C16orf74: variants seen among roughly 807,000 people sequenced by gnomAD.
The protein encoded by C16orf74 is uncharacterized protein C16orf74.
A neutral mutation model predicts 6.5 loss-of-function variants in C16orf74; 10 were observed. That is an observed-to-expected ratio of 1.54 (90% CI 0.95 to 2.61). The LOEUF is 2.61. C16orf74 is among the 30% of genes most tolerant of loss of function. The pLI is 0.00. For synonymous variants in C16orf74, 60 were observed against 42.5 expected (o/e 1.41, Z -1.60); for missense variants, 141 against 105.9 (o/e 1.33, Z -1.45).
chr16:85,734,056 C>T (rs2054218800), intron 2 of C16orf74, among the ~76,000 whole-genome samples: 1 of 152,208 alleles, frequency 6.6e-6, no homozygotes, highest in African/African-American at 2.4e-5. Flanking sequence ...CGCCTCCTTA[C>T]TTCACTTTTC....
At chr16:85,745,139 T>TAAAAAAAAAAAAAAAAAAAAA (rs10554549) in intron 1 of C16orf74, among the ~76,000 whole-genome samples, 1 of 51,010 alleles carries the variant, frequency 2.0e-5, no homozygotes, top group African/African-American at 9.0e-5. Context: ...AAACTCTGTC[T>TAAAAAAAAAAAAAAAAAAAAA]AAAAAAAAAA....
intron 1 of C16orf74, among the ~76,000 whole-genome samples, chr16:85,743,935 T>C (rs2054339997): frequency 6.6e-6 from 1 of 151,956 alleles, no homozygotes; most frequent in Admixed American, 6.6e-5. Context: ...GCGCCTGTAG[T>C]CCCAGCTACT....
intron 1 of C16orf74, among the ~76,000 whole-genome samples, chr16:85,742,199 C>T (rs1166157605): frequency 1.3e-5 from 2 of 152,128 alleles, no homozygotes; most frequent in Non-Finnish European, 2.9e-5. Context: ...ATGGCAAAAC[C>T]CCGTCTCTAC....
chr16:85,744,368 T>A (rs991078073), intron 1 of C16orf74: 1 of 151,954 alleles, frequency 6.6e-6, no homozygotes, highest in African/African-American at 2.4e-5. Context: ...GAACTGCTAG[T>A]TTAGGTATAA....
intron 2 of C16orf74, among the ~76,000 whole-genome samples, chr16:85,725,174 G>C (rs761186042): frequency 1.3e-5 from 2 of 152,198 alleles, no homozygotes; most frequent in African/African-American, 2.4e-5. Context: ...GTTTAAAACA[G>C]GCTTTGATGA....
At chr16:85,734,196 G>A (rs900980609) in intron 2 of C16orf74, among the ~76,000 whole-genome samples, 6 of 152,214 alleles carry the variant, frequency 3.9e-5, no homozygotes, top group African/African-American at 1.4e-4. Context: ...ATTTGACGAA[G>A]GAAATAGTAC....
At chr16:85,739,714 C>T (rs58088197) in intron 1 of C16orf74, among the ~76,000 whole-genome samples, 28,945 of 152,054 alleles carry the variant, frequency 0.19, 3,136 homozygotes, top group Middle Eastern at 0.31. Context: ...GTAGGAGGAT[C>T]GCTTGAGCCT....
chr16:85,707,799 T>G lies in C16orf74; in HGVS notation c.*209A>C. On this transcript the variant is annotated 3_prime_UTR_variant, in exon 4 of 4. Transcript: ENST00000284245. ...GAACCTGGAGGTGTCAGAGGTCCGG[T>G]CCACTCAGCGGGGCCTGGGAAACAC... The G allele has an allele frequency of 1.7e-6, 1 of 577,552 alleles. No homozygotes were observed. The allele number at this position is 577,552 out of a possible 1,614,324, so 35.8% of individuals were successfully genotyped here. A position where few individuals can be genotyped will look rare whatever the true frequency, so the allele number is the denominator to read the frequency against.
intron 1 of C16orf74, among the ~76,000 whole-genome samples, chr16:85,748,932 T>A (rs112835819): frequency 0.22 from 8,564 of 39,280 alleles, 440 homozygotes; most frequent in South Asian, 0.47. Context: ...TTGATTTTTT[T>A]TTTTTTTTTT....
chr16:85,748,461 G>T (rs2054398653), intron 1 of C16orf74, among the ~76,000 whole-genome samples: 1 of 151,918 alleles, frequency 6.6e-6, no homozygotes. Flanking sequence ...AGCCGGGCAT[G>T]GTGGCACGCA....
At chr16:85,708,494 C>A (rs1470369136) in intron 3 of C16orf74, among the ~76,000 whole-genome samples, 1 of 152,152 alleles carries the variant, frequency 6.6e-6, no homozygotes, top group South Asian at 2.1e-4. Context: ...GTGCAGGAGG[C>A]GCACTGCAGC....
At chr16:85,742,604 C>T (rs1374868923) in intron 1 of C16orf74, among the ~76,000 whole-genome samples, 4 of 152,080 alleles carry the variant, frequency 2.6e-5, no homozygotes, top group Admixed American at 2.6e-4. Flanking sequence ...TGCAATGGTG[C>T]GATCTCGGCT....
At position 85,707,654 on chromosome 16, in the gene C16orf74, G is replaced by A. The variant is rs1335536726; in HGVS notation, c.*354C>T. ...AAGTTCTTGTTGGTGCTTATGGCAG[G>A]GGCATGTGTTTGCACAGCCCTGGGG... On this transcript the variant is annotated 3_prime_UTR_variant, in exon 4 of 4. Transcript: ENST00000284245. 2 of 257,450 alleles carry A rather than the reference G, an allele frequency of 7.8e-6. No homozygotes were observed. Among genetic ancestry groups the A allele is most frequent in the African/African-American group, 2.2e-5 (1 of 44,948 alleles). 15.9% of individuals were successfully genotyped at this position (257,450 alleles called of 1,614,324 possible).
intron 1 of C16orf74, among the ~76,000 whole-genome samples, chr16:85,739,203 G>C (rs1360448210): frequency 1.3e-5 from 2 of 152,258 alleles, no homozygotes; most frequent in East Asian, 1.9e-4. Flanking sequence ...CAGAGCCCCA[G>C]GGCCTCTGCT....
chr16:85,745,128 G>GA (rs1388515456), intron 1 of C16orf74, among the ~76,000 whole-genome samples: 2 of 92,372 alleles, frequency 2.2e-5, no homozygotes, highest in Non-Finnish European at 3.7e-5. Flanking sequence ...GCAACAAGAC[G>GA]AAACTCTGTC....
intron 2 of C16orf74, among the ~76,000 whole-genome samples, chr16:85,732,275 T>G (rs1157333672): frequency 6.6e-6 from 1 of 152,198 alleles, no homozygotes; most frequent in Non-Finnish European, 1.5e-5. Flanking sequence ...AATTCCTCTT[T>G]TAAGCCACCT....
rs369941310 is a variant in C16orf74 at position 85,739,236 on chromosome 16, T to C, written c.-18-4001A>G. Among the ~76,000 whole-genome samples the C allele has an allele frequency of 9.8e-5, 15 of 152,312 alleles. 1 individual carries two copies. The highest frequency in any genetic ancestry group is 3.6e-4 in the African/African-American group (15 of 41,578). ...GCTGGCCAGGCTTCCCAAACCTCCC[T>C]GGACTGTGGCTGCTGGTAAGCCAGA... On this transcript the variant is annotated intron_variant, in intron 1 of 3. Coordinates refer to ENST00000284245, the MANE Select transcript of C16orf74 (RefSeq NM_206967.3).
intron 1 of C16orf74, among the ~76,000 whole-genome samples, chr16:85,746,713 C>A (rs2054377219): frequency 6.6e-6 from 1 of 152,200 alleles, no homozygotes; most frequent in African/African-American, 2.4e-5. Context: ...GCAGGGTGGT[C>A]TCTGAGGCTT....
At chr16:85,709,227 G>T (rs1032705489) in intron 3 of C16orf74, among the ~76,000 whole-genome samples, 1 of 152,172 alleles carries the variant, frequency 6.6e-6, no homozygotes, top group African/African-American at 2.4e-5. Flanking sequence ...GGTGGCAGGT[G>T]CCTGTAATCC....
Sources: allele counts gnomAD v4.1 joint callset (sites outside exome capture counted in the v4.1 genomes callset), GRCh38; gene constraint gnomAD v4.1.1; transcripts MANE v1.5; gene names NCBI Gene and HGNC (gene_info 2026-07-23, HGNC 2026-07-21).